The following PRRC2C variants were observed in gnomAD, a reference collection of about 807,000 sequenced individuals.
The protein encoded by PRRC2C is proline rich coiled-coil 2C.
In PRRC2C, 72 loss-of-function variants were observed where a neutral mutation model predicts 317.2. That is an observed-to-expected ratio of 0.23 (90% CI 0.19 to 0.28). The LOEUF (loss-of-function observed/expected upper bound fraction) is 0.28. PRRC2C is among the 10% of genes least tolerant of loss of function. PRRC2C has a pLI of 1.00. For synonymous variants in PRRC2C, 1,296 were observed against 1,205.9 expected (o/e 1.07, Z -1.55); for missense variants, 3,074 against 3,459.7 (o/e 0.89, Z 2.80).
In PRRC2C at chr1:171,587,735, A is replaced by G; in HGVS notation, c.8056A>G (p.Thr2686Ala). ...AATCGCTGGTAGAAGCACCACACCA[A>G]CATCTAGTCCCTTCCGGTAAAATGG... is the stretch of plus-strand genomic sequence containing the variant. Reference protein sequence around the residue: ...PPIAGRSTTPTSSPFRATSTS... With the variant: ...PPIAGRSTTPASSPFRATSTS... Residue 2686 changes from threonine (T) to alanine (A), a missense_variant, in exon 32 of 35, where the codon ACA becomes GCA. Coordinates refer to ENST00000647382, the MANE Select transcript of PRRC2C (RefSeq NM_001387844.1). The G allele has an allele frequency of 6.2e-7, 1 of 1,610,558 alleles. No individual in the cohort carries two copies. The highest frequency in any genetic ancestry group is 8.5e-7 in the Non-Finnish European group (1 of 1,176,886).
chr1:171,502,843 C>T (rs1177920667), intron 1 of PRRC2C, among the ~76,000 whole-genome samples: 2 of 152,132 alleles, frequency 1.3e-5, no homozygotes, highest in Non-Finnish European at 2.9e-5. Flanking sequence ...TCTGCCTCAG[C>T]CTCCTGACTA....
chr1:171,560,721 C>CT, intron 19 of PRRC2C, among the ~76,000 whole-genome samples: 1 of 152,118 alleles, frequency 6.6e-6, no homozygotes, highest in East Asian at 1.9e-4. Flanking sequence ...ACCTATTAGA[C>CT]TGTAGTATAA....
chr1:171,508,972 C>T (rs1012784730), intron 1 of PRRC2C, among the ~76,000 whole-genome samples: 2 of 152,114 alleles, frequency 1.3e-5, no homozygotes, highest in African/African-American at 2.4e-5. Context: ...CCGCAAGCTC[C>T]GCCTTCCAGG....
At chr1:171,516,777 A>G (rs538186742) in intron 5 of PRRC2C, among the ~76,000 whole-genome samples, 30 of 152,302 alleles carry the variant, frequency 2.0e-4, no homozygotes, top group African/African-American at 6.3e-4. Context: ...CTGGGGCTGT[A>G]CTTCCAAACT....
rs1338328005 is a variant in PRRC2C, at chr1:171,545,535, C to T, written c.4820C>T (p.Ser1607Phe). Residue 1607 changes from serine (S) to phenylalanine (F), a missense_variant, in exon 17 of 35, where the codon TCT (serine) becomes TTT (phenylalanine). By Grantham distance (155) the Ser-to-Phe change is radical (BLOSUM62 -2). Transcript: ENST00000647382. ...TTGVDLINGS[S>F]AHHQEGVPNG... is the part of the protein sequence containing the mutation. ...GGGGTTGACCTCATCAATGGCAGCT[C>T]TGCACACCATCAGGAAGGAGTACCT... is the stretch of plus-strand genomic sequence containing the variant. The T allele has an allele frequency of 3.1e-6, 5 of 1,594,888 alleles. No homozygotes were observed. The highest frequency in any genetic ancestry group is 1.8e-5 in the Admixed American group (1 of 56,934).
Position 171,536,215 on chromosome 1 carries a change from T to G in PRRC2C, c.2230T>G (p.Ser744Ala), listed in dbSNP as rs1460611726. The G allele has an allele frequency of 6.2e-7, 1 of 1,613,676 alleles. No individual in the cohort carries two copies. Among genetic ancestry groups the G allele is most frequent in the Non-Finnish European group, 8.5e-7 (1 of 1,179,712 alleles). ...TGATCCAAGGTGGCTCATGATGCAG[T>G]CCTACATGGATCCTCGAATGATGTC... ...GFDPRWLMMQ[S>A]YMDPRMMSGR... The change falls in exon 14 of 35, where the codon TCC becomes GCC. Residue 744 changes from serine (S) to alanine (A), a missense_variant. Physicochemically the swap from Ser to Ala is moderately conservative, Grantham distance 99. Around this residue, in one of 11 missense-constraint regions of PRRC2C, gnomAD observed 1,320 missense variants for 1,395.7 expected, o/e 0.95. Transcript: ENST00000647382.
intron 1 of PRRC2C, among the ~76,000 whole-genome samples, chr1:171,509,001 C>T (rs545705564): frequency 1.1e-4 from 16 of 152,270 alleles, no homozygotes; most frequent in Non-Finnish European, 2.4e-4. Context: ...ATTCTCCTGC[C>T]TCAGCCTCCC....
At chr1:171,498,738 A>G (rs1668563033) in intron 1 of PRRC2C, among the ~76,000 whole-genome samples, 2 of 152,198 alleles carry the variant, frequency 1.3e-5, no homozygotes, top group Admixed American at 6.5e-5. Flanking sequence ...CCTACTGGAC[A>G]TTGAAGAGAA....
At chr1:171,486,107 C>CT (rs34040896) in intron 1 of PRRC2C, among the ~76,000 whole-genome samples, 11,057 of 95,556 alleles carry the variant, frequency 0.12, 793 homozygotes, top group Admixed American at 0.16. Context: ...GACGTGAAGT[C>CT]TTTTTTTTTT....
At chr1:171,515,952 C>T in intron 5 of PRRC2C, 93 bp downstream of exon 5, 1 of 1,371,070 alleles carries the variant, frequency 7.3e-7, no homozygotes, top group Non-Finnish European at 9.7e-7. Context: ...ATATTATTTG[C>T]CTACTTCGAA....
rs749056972 is a variant in PRRC2C at position 171,557,795 on chromosome 1, A to G, written c.5683A>G (p.Ile1895Val). ...TGCCCCAGTCATCACAGCACCAACT[A>G]TCCCAGCCTCAGCCCCAACTGCCTC... ...PAAPVITAPT[I>V]PASAPTASVP... Residue 1895 changes from isoleucine (I) to valine (V), a missense_variant, in exon 19 of 35, where the codon ATC becomes GTC. Ile to Val is a conservative substitution (Grantham distance 29, BLOSUM62 3). This residue lies in a region of PRRC2C where 640 missense variants were observed against 676.1 expected (regional missense o/e 0.95). Coordinates refer to ENST00000647382, the MANE Select transcript of PRRC2C (RefSeq NM_001387844.1). 6.3e-5 allele frequency: 97 copies of G among 1,549,584 alleles called. No individual in the cohort carries two copies. In the Middle Eastern group the frequency reaches 6.7e-4, roughly 11 times the overall value.
intron 28 of PRRC2C, 32 bp downstream of exon 28, chr1:171,579,996 T>C: frequency 6.9e-7 from 1 of 1,450,916 alleles, no homozygotes; most frequent in South Asian, 1.6e-5. Context: ...TTTGTAATGA[T>C]GTTGAAAACA....
chr1:171,534,054 TTAAAA>T (rs1347716338), intron 12 of PRRC2C, among the ~76,000 whole-genome samples: 4 of 152,234 alleles, frequency 2.6e-5, no homozygotes, highest in African/African-American at 9.6e-5. Context: ...GCACTGCTGC[TTAAAA>T]TAATAAGAAT....
intron 30 of PRRC2C, among the ~76,000 whole-genome samples, chr1:171,586,264 T>A (rs1188951160): frequency 6.7e-6 from 1 of 150,256 alleles, no homozygotes; most frequent in Admixed American, 6.6e-5. Context: ...TATTTATTTT[T>A]TTTTTTAGTA....
chr1:171,514,715 G>A, intron 4 of PRRC2C, 70 bp downstream of exon 4: 1 of 1,284,850 alleles, frequency 7.8e-7, no homozygotes, highest in Non-Finnish European at 1.1e-6. Context: ...GGAGATAAGG[G>A]GTGAACTGTG....
At chr1:171,518,573 C>T (rs1239647814) in intron 6 of PRRC2C, among the ~76,000 whole-genome samples, 1 of 132,944 alleles carries the variant, frequency 7.5e-6, no homozygotes, top group Non-Finnish European at 1.5e-5. Flanking sequence ...TCTCAGCTCA[C>T]TGCACCCTCT....
chr1:171,501,913 C>G (rs879418106), intron 1 of PRRC2C, among the ~76,000 whole-genome samples: 5 of 152,160 alleles, frequency 3.3e-5, no homozygotes, highest in Non-Finnish European at 5.9e-5. Flanking sequence ...GATTTTTTTA[C>G]TAGCTTTTTC....
intron 22 of PRRC2C, among the ~76,000 whole-genome samples, chr1:171,567,165 C>T (rs540863388): frequency 6.6e-6 from 1 of 152,192 alleles, no homozygotes; most frequent in African/African-American, 2.4e-5. Flanking sequence ...TACAGTAGAG[C>T]TTTATCTTGC....
rs921739523 is a variant in PRRC2C, at chr1:171,498,732, C to T, written c.-58+12997C>T. Among the ~76,000 whole-genome samples, 4 of 152,224 alleles carry T rather than the reference C, an allele frequency of 2.6e-5. No homozygotes were observed. The East Asian group carries it at 7.7e-4, about 29-fold the overall frequency. ...CACTCCCAACTCCCTGGATGTCCTA[C>T]TGGACATTGAAGAGAATCGTAACTG... is the stretch of plus-strand genomic sequence containing the variant. On this transcript the variant is annotated intron_variant, in intron 1 of 34. Coordinates refer to ENST00000647382, the MANE Select transcript of PRRC2C (RefSeq NM_001387844.1).
Sources: allele counts gnomAD v4.1 joint callset (sites outside exome capture counted in the v4.1 genomes callset), GRCh38; gene constraint gnomAD v4.1.1; regional missense constraint gnomAD v4.1.1; transcripts MANE v1.5; gene names NCBI Gene and HGNC (gene_info 2026-07-23, HGNC 2026-07-21).